RSU1: variants seen among roughly 807,000 people sequenced by gnomAD.
The protein encoded by RSU1 is Ras suppressor protein 1.
In RSU1, 26 loss-of-function variants were observed where a neutral mutation model predicts 31.1. That is an observed-to-expected ratio of 0.84 (90% confidence interval 0.61 to 1.16). The LOEUF is 1.16. RSU1 is among the 50% of genes most tolerant of loss of function. The pLI, the probability that RSU1 is intolerant of heterozygous loss-of-function variation, is 0.00. For synonymous variants in RSU1, 164 were observed against 136.3 expected (o/e 1.20, Z -1.41); for missense variants, 320 against 339.1 (o/e 0.94, Z 0.44).
At chr10:16,647,955 T>C (rs1834602175) in intron 8 of RSU1, among the ~76,000 whole-genome samples, 1 of 151,934 alleles carries the variant, frequency 6.6e-6, no homozygotes, top group Non-Finnish European at 1.5e-5. Flanking sequence ...CTTCTTTTTC[T>C]TGTTTTTCTT....
chr10:16,668,015 A>C (rs1031231945), intron 8 of RSU1, among the ~76,000 whole-genome samples: 1 of 152,238 alleles, frequency 6.6e-6, no homozygotes, highest in Non-Finnish European at 1.5e-5. Flanking sequence ...TATTCTGATA[A>C]TAGAATAACT....
intron 2 of RSU1, among the ~76,000 whole-genome samples, chr10:16,800,817 C>T (rs940288057): frequency 2.6e-5 from 4 of 151,918 alleles, no homozygotes; most frequent in Non-Finnish European, 5.9e-5. Flanking sequence ...AGTTTTTATT[C>T]CTTGCTTTAT....
chr10:16,601,818 G>A (rs920488078), intron 8 of RSU1, among the ~76,000 whole-genome samples: 15 of 152,174 alleles, frequency 9.9e-5, no homozygotes, highest in Non-Finnish European at 1.5e-5. Context: ...AGGAAAGATG[G>A]AGTGAGTGTG....
intron 8 of RSU1, among the ~76,000 whole-genome samples, chr10:16,623,226 CA>C (rs1834100935): frequency 6.6e-6 from 1 of 152,012 alleles, no homozygotes; most frequent in Admixed American, 6.6e-5. Flanking sequence ...CTATGGTTGC[CA>C]TTTTTTTGTC....
chr10:16,778,174 T>C (rs961248974), intron 3 of RSU1, among the ~76,000 whole-genome samples: 1 of 152,030 alleles, frequency 6.6e-6, no homozygotes, highest in African/African-American at 2.4e-5. Flanking sequence ...GCTCATGTTT[T>C]TTTTAAGAGA....
chr10:16,726,361 A>C (rs1360953823), intron 7 of RSU1, among the ~76,000 whole-genome samples: 1 of 147,638 alleles, frequency 6.8e-6, no homozygotes, highest in East Asian at 2.0e-4. Context: ...TCAGCCTCCC[A>C]GGTTCAAGTG....
chr10:16,759,000 C>T (rs1468301521), intron 4 of RSU1, among the ~76,000 whole-genome samples: 1 of 152,110 alleles, frequency 6.6e-6, no homozygotes, highest in Non-Finnish European at 1.5e-5. Context: ...GTTGATAAAA[C>T]CAGGGGGTTT....
At chr10:16,709,421 G>A (rs1469011511) in intron 7 of RSU1, among the ~76,000 whole-genome samples, 1 of 152,124 alleles carries the variant, frequency 6.6e-6, no homozygotes, top group Non-Finnish European at 1.5e-5. Flanking sequence ...TTGGTTCCAA[G>A]TCTTTGCTAT....
At chr10:16,625,129 A>C (rs1834133341) in intron 8 of RSU1, among the ~76,000 whole-genome samples, 1 of 152,182 alleles carries the variant, frequency 6.6e-6, no homozygotes, top group Non-Finnish European at 1.5e-5. Flanking sequence ...AAACTTGGGG[A>C]AATTCAGGCA....
At chr10:16,753,057 T>C in intron 5 of RSU1, 57 bp from the exon 6 acceptor site, 1 of 1,373,730 alleles carries the variant, frequency 7.3e-7, no homozygotes, top group Middle Eastern at 1.8e-4. Flanking sequence ...CCATTTGAGG[T>C]CTGATCAATA....
chr10:16,692,905 T>C (rs1835590645), intron 8 of RSU1, among the ~76,000 whole-genome samples: 1 of 152,212 alleles, frequency 6.6e-6, no homozygotes, highest in Non-Finnish European at 1.5e-5. Context: ...ATTGCTTTTA[T>C]ATAGGAGGAT....
intron 8 of RSU1, among the ~76,000 whole-genome samples, chr10:16,650,783 G>A (rs955085702): frequency 2.6e-5 from 4 of 151,820 alleles, no homozygotes; most frequent in Admixed American, 6.6e-5. Context: ...AGGTTTCACC[G>A]TGTTAACCAG....
At position 16,762,593 on chromosome 10, in the gene RSU1, A is replaced by T. The variant is rs139356155; in HGVS notation, c.281+1797T>A. On this transcript the variant is annotated intron_variant, in intron 4 of 8. Coordinates refer to ENST00000345264, the MANE Select transcript of RSU1 (RefSeq NM_012425.4). ...CACTTTCCCTCAGACATAAGAATAA[A>T]GGCTGCCCATGGATCTCATAAAGTT... Among the ~76,000 whole-genome samples the T allele has an allele frequency of 1.0e-3, 157 of 152,108 alleles. 1 individual carries two copies. The Middle Eastern group carries it at 0.014, about 13-fold the overall frequency.
At chr10:16,769,774 A>G (rs1837386017) in intron 3 of RSU1, among the ~76,000 whole-genome samples, 1 of 152,200 alleles carries the variant, frequency 6.6e-6, no homozygotes, top group Admixed American at 6.5e-5. Context: ...GAGTATAATA[A>G]TCAATCTGAT....
At chr10:16,664,497 C>T (rs756479395) in intron 8 of RSU1, among the ~76,000 whole-genome samples, 1 of 152,204 alleles carries the variant, frequency 6.6e-6, no homozygotes, top group African/African-American at 2.4e-5. Flanking sequence ...GCATCTAAGA[C>T]AACATTGATG....
At chr10:16,608,833 A>G (rs1833847319) in intron 8 of RSU1, among the ~76,000 whole-genome samples, 1 of 152,042 alleles carries the variant, frequency 6.6e-6, no homozygotes, top group African/African-American at 2.4e-5. Flanking sequence ...AGACTTAATA[A>G]TTTTCATCCA....
intron 5 of RSU1, among the ~76,000 whole-genome samples, chr10:16,753,218 T>A (rs1015647012): frequency 1.3e-5 from 2 of 152,228 alleles, no homozygotes; most frequent in Non-Finnish European, 2.9e-5. Context: ...CCAAGAGGAA[T>A]GACGCAATTA....
chr10:16,720,275 A>C (rs975565997), intron 7 of RSU1, among the ~76,000 whole-genome samples: 6 of 152,230 alleles, frequency 3.9e-5, no homozygotes, highest in Non-Finnish European at 8.8e-5. Context: ...ATGACAGAAA[A>C]CATAGAGTTT....
intron 7 of RSU1, among the ~76,000 whole-genome samples, chr10:16,739,671 T>C (rs994744569): frequency 6.6e-6 from 1 of 151,778 alleles, no homozygotes; most frequent in African/African-American, 2.4e-5. Context: ...CAGGCCGGAG[T>C]GCAATGGTGT....
Sources: allele counts gnomAD v4.1 joint callset (sites outside exome capture counted in the v4.1 genomes callset), GRCh38; gene constraint gnomAD v4.1.1; transcripts MANE v1.5; gene names NCBI Gene and HGNC (gene_info 2026-07-23, HGNC 2026-07-21).